Variants in KSR2 observed in about 807,000 individuals in gnomAD.
KSR2 encodes the protein kinase suppressor of ras 2.
KSR2 carries 25 observed loss-of-function variants against 107.8 expected under a neutral mutation model. That is an observed-to-expected ratio of 0.23 (90% CI 0.17 to 0.32). The LOEUF is 0.32. KSR2 is among the 10% of genes least tolerant of loss of function. The pLI, the probability that KSR2 is intolerant of heterozygous loss-of-function variation, is 1.00. For synonymous variants in KSR2, 480 were observed against 507.0 expected (o/e 0.95, Z 0.71); for missense variants, 887 against 1,268.9 (o/e 0.70, Z 4.57).
intron 14 of KSR2, among the ~76,000 whole-genome samples, chr12:117,524,596 G>A (rs1874982735): frequency 6.6e-6 from 1 of 152,170 alleles, no homozygotes; most frequent in African/African-American, 2.4e-5. Flanking sequence ...GAGTCCAGGA[G>A]TTCAAGGCTG....
chr12:117,748,804 C>T (rs1888507198), intron 4 of KSR2, among the ~76,000 whole-genome samples: 1 of 152,052 alleles, frequency 6.6e-6, no homozygotes, highest in Non-Finnish European at 1.5e-5. Context: ...AAAGCAGACC[C>T]TAAAGCAAGG....
At chr12:117,717,725 G>A (rs1475201362) in intron 4 of KSR2, among the ~76,000 whole-genome samples, 6 of 151,460 alleles carry the variant, frequency 4.0e-5, no homozygotes, top group Non-Finnish European at 5.9e-5. Context: ...ATGCGCGCGC[G>A]TGCATGCACG....
intron 3 of KSR2, among the ~76,000 whole-genome samples, chr12:117,807,110 C>A (rs17439762): frequency 6.6e-6 from 1 of 152,152 alleles, no homozygotes; most frequent in African/African-American, 2.4e-5. Context: ...CAAGAAGCTG[C>A]GAGCCCCTGA....
intron 3 of KSR2, among the ~76,000 whole-genome samples, chr12:117,805,028 C>T (rs181998561): frequency 2.0e-5 from 3 of 152,238 alleles, no homozygotes; most frequent in East Asian, 1.9e-4. Flanking sequence ...CCAACCATCG[C>T]GGATGGACTG....
At chr12:117,665,533 G>C (rs1884624255) in intron 5 of KSR2, among the ~76,000 whole-genome samples, 1 of 152,164 alleles carries the variant, frequency 6.6e-6, no homozygotes, top group African/African-American at 2.4e-5. Flanking sequence ...TAAATGCCAA[G>C]CACTCTTCGG....
At chr12:117,718,943 C>T (rs1374747048) in intron 4 of KSR2, among the ~76,000 whole-genome samples, 2 of 152,298 alleles carry the variant, frequency 1.3e-5, no homozygotes, top group East Asian at 3.9e-4. Context: ...AGAGGACTTC[C>T]AGTCTCCTAA....
chr12:117,654,271 G>A (rs1023344856), intron 5 of KSR2, among the ~76,000 whole-genome samples: 1 of 152,160 alleles, frequency 6.6e-6, no homozygotes, highest in Admixed American at 6.5e-5. Context: ...GATTGGGCTT[G>A]AGCAGGTCCT....
At chr12:117,793,881 A>G (rs111205084) in intron 3 of KSR2, among the ~76,000 whole-genome samples, 5,286 of 136,566 alleles carry the variant, frequency 0.039, 345 homozygotes, top group African/African-American at 0.14. Context: ...ATGCACACAT[A>G]CAACATGCAC....
chr12:117,651,144 G>A (rs773398730), intron 5 of KSR2, among the ~76,000 whole-genome samples: 1 of 152,150 alleles, frequency 6.6e-6, no homozygotes, highest in Non-Finnish European at 1.5e-5. Flanking sequence ...CCCATCCCCA[G>A]AAATGGCAAC....
At chr12:117,595,441 T>C (rs1880582102) in intron 5 of KSR2, among the ~76,000 whole-genome samples, 2 of 136,580 alleles carry the variant, frequency 1.5e-5, no homozygotes, top group Admixed American at 8.2e-5. Context: ...CTCGGCTCAC[T>C]GCAAGCTCCG....
chr12:117,511,651 G>T (rs910613747), intron 14 of KSR2, among the ~76,000 whole-genome samples: 4 of 152,220 alleles, frequency 2.6e-5, no homozygotes, highest in African/African-American at 9.6e-5. Flanking sequence ...TGCCTAGTGT[G>T]CAGTAGTTGC....
Position 117,531,697 on chromosome 12 carries a change from G to A in KSR2, c.1698C>T (p.Tyr566=), listed in dbSNP as rs1182289366. Residue 566 remains tyrosine, a synonymous_variant, in exon 11 of 20, where the codon TAC becomes TAT. Transcript: ENST00000339824. ...AGATGAACTGCTGCTTGTATTTGTA[G>A]TAGTGGGATGCTTGCAAAAGAAAGA... ...QKNFNLPASH[Y]YKYKQQFIFP... is the part of the protein sequence containing the mutation. 1.9e-6 allele frequency: 3 copies of A among 1,599,106 alleles called. No homozygotes were observed. The highest frequency in any genetic ancestry group is 2.6e-6 in the Non-Finnish European group (3 of 1,174,314).
intron 5 of KSR2, among the ~76,000 whole-genome samples, chr12:117,607,589 A>G (rs1228546191): frequency 6.7e-6 from 1 of 150,002 alleles, no homozygotes; most frequent in East Asian, 2.0e-4. Context: ...GAAAAAGCTC[A>G]GCACTATCTG....
intron 6 of KSR2, among the ~76,000 whole-genome samples, chr12:117,581,522 T>G (rs997789214): frequency 2.0e-5 from 3 of 152,212 alleles, no homozygotes; most frequent in African/African-American, 7.2e-5. Context: ...CTTTTCAACC[T>G]ATCGCTTAAT....
Position 117,454,101 on chromosome 12 carries a change from T to TG in KSR2, c.*13097dup. 1 of 152,196 alleles carries TG rather than the reference T, an allele frequency of 6.6e-6. No individual in the cohort carries two copies. The highest frequency in any genetic ancestry group is 6.5e-5 in the Admixed American group (1 of 15,284). The allele number at this position is 152,196 out of a possible 1,614,324, so 9.4% of individuals were successfully genotyped here. ...GAATGTCCCCCTAGAGGTGGGATTC[T>TG]GGGGGAGGTTCATTTGGGTGATTGA... On this transcript the variant is annotated 3_prime_UTR_variant, in exon 20 of 20. Coordinates refer to ENST00000339824, the MANE Select transcript of KSR2 (RefSeq NM_173598.6).
At chr12:117,586,728 T>C (rs1439837849) in intron 5 of KSR2, among the ~76,000 whole-genome samples, 1 of 152,144 alleles carries the variant, frequency 6.6e-6, no homozygotes, top group Non-Finnish European at 1.5e-5. Context: ...GACAGACCCT[T>C]GACATATATT....
At chr12:117,926,214 C>T (rs76765130) in intron 1 of KSR2, among the ~76,000 whole-genome samples, 2 of 151,956 alleles carry the variant, frequency 1.3e-5, no homozygotes, top group African/African-American at 2.4e-5. Context: ...AAATAACAAC[C>T]GAGAAAAGGG....
At chr12:117,672,050 A>G (rs1334686489) in intron 4 of KSR2, among the ~76,000 whole-genome samples, 1 of 152,126 alleles carries the variant, frequency 6.6e-6, no homozygotes, top group Non-Finnish European at 1.5e-5. Flanking sequence ...TTATCTCCCC[A>G]GGGGCCCACG....
intron 4 of KSR2, among the ~76,000 whole-genome samples, chr12:117,757,185 C>T (rs1888827921): frequency 6.6e-6 from 1 of 152,146 alleles, no homozygotes; most frequent in Non-Finnish European, 1.5e-5. Flanking sequence ...TTCCAACCCT[C>T]ATGGATGACT....
Sources: allele counts gnomAD v4.1 joint callset (sites outside exome capture counted in the v4.1 genomes callset), GRCh38; gene constraint gnomAD v4.1.1; transcripts MANE v1.5; gene names NCBI Gene and HGNC (gene_info 2026-07-23, HGNC 2026-07-21).